The following TXNDC9 variants were observed in gnomAD, a reference collection of about 807,000 sequenced individuals.
TXNDC9 encodes thioredoxin domain-containing protein 9.
A neutral mutation model predicts 23.0 loss-of-function variants in TXNDC9; 7 were observed. The ratio of observed to expected loss-of-function variants is 0.30; its 90% CI spans 0.17 to 0.57. The LOEUF is 0.57. Among genes scored for constraint, TXNDC9 ranks in the 20% least tolerant of loss-of-function variants. TXNDC9 has a pLI of 0.90. For synonymous variants in TXNDC9, 72 were observed against 90.6 expected, an observed-to-expected ratio of 0.79 and a Z score of 1.17; for missense variants, 198 against 252.6, an observed-to-expected ratio of 0.78 and a Z score of 1.47.
At chr2:99,308,267 G>A in the TXNDC9 span, among the ~76,000 whole-genome samples, 1 of 152,088 alleles carries the variant, frequency 6.6e-6, no homozygotes, top group Non-Finnish European at 1.5e-5. Flanking sequence ...GGAAGAAAAT[G>A]ATCAAACTTT....
At chr2:99,330,630 C>T (rs1232146276) in intron 2 of TXNDC9, among the ~76,000 whole-genome samples, 1 of 152,164 alleles carries the variant, frequency 6.6e-6, no homozygotes, top group Non-Finnish European at 1.5e-5. Flanking sequence ...TTACCTTATC[C>T]CTCTATTCTG....
downstream of TXNDC9, among the ~76,000 whole-genome samples, chr2:99,318,407 C>G (rs2094194467): frequency 6.6e-6 from 1 of 152,070 alleles, no homozygotes; most frequent in Non-Finnish European, 1.5e-5. Context: ...ATCTCTTGAC[C>G]TTGTGATCCA....
downstream of TXNDC9, among the ~76,000 whole-genome samples, chr2:99,318,227 T>C (rs752092864): frequency 2.6e-5 from 4 of 151,766 alleles, no homozygotes; most frequent in Non-Finnish European, 5.9e-5. Flanking sequence ...CTTTTGCTTG[T>C]TGCCATCAGG....
chr2:99,333,373 T>C (rs1024830569), intron 1 of TXNDC9, 131 bp from the exon 2 acceptor site: 1 of 692,986 alleles, frequency 1.4e-6, no homozygotes, highest in East Asian at 2.9e-5. Flanking sequence ...ATCCAAGCAC[T>C]TGATGCTGGG....
At chr2:99,311,425 T>C in the TXNDC9 span, among the ~76,000 whole-genome samples, 398 of 152,248 alleles carry the variant, frequency 2.6e-3, 2 homozygotes, top group Middle Eastern at 0.01. Context: ...CTAACTAGAA[T>C]TACAAGTGCG....
At chr2:99,315,575 A>G (rs746451489), downstream of TXNDC9, among the ~76,000 whole-genome samples, 3 of 152,230 alleles carry the variant, frequency 2.0e-5, no homozygotes, top group Non-Finnish European at 2.9e-5. Flanking sequence ...CACATCAACA[A>G]GGCTTTGTGT....
rs753750415 is a variant in TXNDC9 at position 99,333,239 on chromosome 2, G to A, written c.-29C>T. On this transcript the variant is annotated 5_prime_UTR_variant, in exon 2 of 5. Transcript: ENST00000264255. ...TCCAAATGGTACAGAGTTCAGCCTG[G>A]GTGCTGGGGAGAAGATTTACAAAAT... 6.3e-7 allele frequency: 1 copy of A among 1,578,956 alleles called. No homozygotes were observed.
At chr2:99,329,694 G>A (rs564243801) in intron 2 of TXNDC9, among the ~76,000 whole-genome samples, 14 of 152,176 alleles carry the variant, frequency 9.2e-5, no homozygotes, top group Non-Finnish European at 1.8e-4. Context: ...TAGGCTGGAC[G>A]CAGTGGCTCA....
intron 4 of TXNDC9, 38 bp from the exon 5 acceptor site, chr2:99,319,837 T>C (rs1195507555): frequency 7.7e-7 from 1 of 1,303,072 alleles, no homozygotes; most frequent in Admixed American, 2.3e-5. Flanking sequence ...CTTTATGATT[T>C]AGTACTAGTA....
chr2:99,318,286 T>C (rs1164289400), downstream of TXNDC9, among the ~76,000 whole-genome samples: 1 of 152,178 alleles, frequency 6.6e-6, no homozygotes, highest in African/African-American at 2.4e-5. Context: ...TCCAACGTAT[T>C]TGGTGGCACC....
At chr2:99,312,271 G>A in the TXNDC9 span, among the ~76,000 whole-genome samples, 3 of 152,170 alleles carry the variant, frequency 2.0e-5, no homozygotes, top group Non-Finnish European at 4.4e-5. Context: ...TGAGGTGAGT[G>A]AGTTACTTGA....
chr2:99,324,559 C>T (rs1017990583), intron 3 of TXNDC9, among the ~76,000 whole-genome samples: 4 of 149,644 alleles, frequency 2.7e-5, no homozygotes, highest in African/African-American at 9.7e-5. Context: ...CAACTCCATA[C>T]TTTAACTGCA....
chr2:99,318,446 T>C (rs544272016), downstream of TXNDC9, among the ~76,000 whole-genome samples: 2 of 152,302 alleles, frequency 1.3e-5, no homozygotes, highest in Admixed American at 1.3e-4. Flanking sequence ...AGTGCTGGGA[T>C]TATAGGCGTG....
chr2:99,332,077 A>C (rs2094227041), intron 2 of TXNDC9, among the ~76,000 whole-genome samples: 1 of 152,214 alleles, frequency 6.6e-6, no homozygotes, highest in African/African-American at 2.4e-5. Flanking sequence ...TTTAAGTCAC[A>C]GTCAACTGAA....
At chr2:99,314,678 A>G (rs13017843), downstream of TXNDC9, among the ~76,000 whole-genome samples, 125,445 of 150,524 alleles carry the variant, frequency 0.83, 52,738 homozygotes, top group Middle Eastern at 0.98. Flanking sequence ...CTACAGGCGC[A>G]TGCCACCACG....
chr2:99,312,351 G>C, the TXNDC9 span, among the ~76,000 whole-genome samples: 2 of 152,144 alleles, frequency 1.3e-5, no homozygotes, highest in Admixed American at 1.3e-4. Flanking sequence ...CGAAAAATTA[G>C]CTGGGCGTGA....
chr2:99,312,936 G>C, the TXNDC9 span, among the ~76,000 whole-genome samples: 1 of 152,166 alleles, frequency 6.6e-6, no homozygotes, highest in South Asian at 2.1e-4. Flanking sequence ...GCCGAGGCAG[G>C]AGGATCACCT....
chr2:99,316,740 TG>T (rs1262265969), downstream of TXNDC9, among the ~76,000 whole-genome samples: 21 of 152,184 alleles, frequency 1.4e-4, no homozygotes, highest in South Asian at 4.4e-3. Context: ...AATTTCTATT[TG>T]GCCCTTTTAT....
rs541652429 is a variant in TXNDC9, at chr2:99,319,843, T to C, written c.564-44A>G. 3.3e-6 allele frequency: 4 copies of C among 1,230,408 alleles called. No homozygotes were observed. In the South Asian group the frequency reaches 5.4e-5, roughly 17 times the overall value. The allele number at this position is 1,230,408 out of a possible 1,614,324, so 76.2% of individuals were successfully genotyped here. On this transcript the variant is annotated intron_variant, in intron 4 of 4. Transcript: ENST00000264255. ...CATTTTATTCTTTATGATTTAGTAC[T>C]AGTATACTAAACTGCACAAAAATCT...
Sources: allele counts gnomAD v4.1 joint callset (sites outside exome capture counted in the v4.1 genomes callset), GRCh38; gene constraint gnomAD v4.1.1; transcripts MANE v1.5; gene names NCBI Gene and HGNC (gene_info 2026-07-23, HGNC 2026-07-21).